Variants in CYP3A4 observed in about 807,000 individuals in gnomAD.
CYP3A4 encodes cytochrome P450 family 3 subfamily A member 4, also known as cytochrome P450 3A4.
CYP3A4 carries 41 observed loss-of-function variants against 54.9 expected under a neutral mutation model. The observed-to-expected ratio is 0.75, with a 90% CI of 0.58 to 0.97. CYP3A4 has a LOEUF of 0.97. Ranked by LOEUF, CYP3A4 falls within the 50% of genes least tolerant of loss-of-function variation. The pLI is 0.00. For synonymous variants in CYP3A4, 179 were observed against 205.2 expected (o/e 0.87, Z 1.09); for missense variants, 510 against 597.3 (o/e 0.85, Z 1.52).
intron 7 of CYP3A4, among the ~76,000 whole-genome samples, chr7:99,767,758 T>G (rs537833409): frequency 3.0e-4 from 46 of 152,204 alleles, no homozygotes; most frequent in African/African-American, 1.1e-3. Flanking sequence ...AAGTAACCAA[T>G]GAGTCAAAGT....
In CYP3A4 at chr7:99,757,850, T is replaced by C; in HGVS notation, c.*283A>G. 2.9e-6 allele frequency: 1 copy of C among 339,476 alleles called. No individual in the cohort carries two copies. The highest frequency in any genetic ancestry group is 5.5e-6 in the Non-Finnish European group (1 of 182,248). 21.0% of individuals were successfully genotyped at this position (339,476 alleles called of 1,614,324 possible). A position where few individuals can be genotyped will look rare whatever the true frequency, so the allele number is the denominator to read the frequency against. On this transcript the variant is annotated 3_prime_UTR_variant, in exon 13 of 13. Coordinates refer to ENST00000651514, the MANE Select transcript of CYP3A4 (RefSeq NM_017460.6). ...TTCTCTTATCAGAGCTCAGGAGGAG[T>C]TAATGGTGCTAACTGGGGGTGGTGG...
intron 1 of CYP3A4, among the ~76,000 whole-genome samples, chr7:99,783,245 G>T (rs1414613445): frequency 6.6e-6 from 1 of 152,166 alleles, no homozygotes; most frequent in Non-Finnish European, 1.5e-5. Context: ...CCACAGTGGG[G>T]AGTGACTCTT....
rs372231982 is a variant in CYP3A4, at chr7:99,762,086, C to G, written c.1208G>C (p.Arg403Pro). 12 of 1,614,012 alleles carry G rather than the reference C, an allele frequency of 7.4e-6. No individual in the cohort carries two copies. Among genetic ancestry groups the G allele is most frequent in the Non-Finnish European group, 1.0e-5 (12 of 1,179,980 alleles). Reference protein sequence around the residue: ...VVMIPSYALHRDPKYWTEPEK... With the variant: ...VVMIPSYALHPDPKYWTEPEK... ...AGGCTCTGTCCAGTACTTTGGGTCA[C>G]GGTGAAGAGCATAGCTTGGAATCAT... The change falls in exon 11 of 13, where the codon CGT (arginine) becomes CCT (proline). Residue 403 changes from arginine to proline, a missense_variant. By Grantham distance (103) the Arg-to-Pro change is moderately radical. Coordinates refer to ENST00000651514, the MANE Select transcript of CYP3A4 (RefSeq NM_017460.6).
rs945611939 is a variant in CYP3A4, at chr7:99,767,207, AAC to A, written c.720_721del (p.Phe241SerfsTer36). The A allele has an allele frequency of 3.8e-5, 62 of 1,610,948 alleles. No homozygotes were observed. Among genetic ancestry groups the A allele is most frequent in the African/African-American group, 5.3e-5 (4 of 74,782 alleles). On this transcript the variant is annotated frameshift_variant, in exon 8 of 13. Coordinates refer to ENST00000651514, the MANE Select transcript of CYP3A4 (RefSeq NM_017460.6). LOFTEE classifies it high-confidence loss of function. ...TAAAAAATTTGTAACTTCTCTTGGA[AAC>A]ACACAGATATTTAATACTTCAAGAA...
intron 4 of CYP3A4, 149 bp downstream of exon 4, chr7:99,772,441 T>A: frequency 1.1e-6 from 1 of 884,524 alleles, no homozygotes; most frequent in Non-Finnish European, 1.8e-6. Flanking sequence ...TTATGCAAGA[T>A]TGCAAGATGT....
intron 1 of CYP3A4, among the ~76,000 whole-genome samples, chr7:99,780,918 A>G (rs1346756826): frequency 6.6e-6 from 1 of 152,202 alleles, no homozygotes; most frequent in Non-Finnish European, 1.5e-5. Flanking sequence ...TAGCCTTCCA[A>G]CTGGTGATAT....
chr7:99,765,482 TA>T (rs202246543), intron 9 of CYP3A4, among the ~76,000 whole-genome samples: 2,928 of 151,690 alleles, frequency 0.019, 78 homozygotes, highest in African/African-American at 0.067. Flanking sequence ...GATAGATAGA[TA>T]GATGATAGAT....
At chr7:99,767,420 C>T (rs1025325618) in intron 7 of CYP3A4, among the ~76,000 whole-genome samples, 162 bp from the exon 8 acceptor site, 3 of 152,148 alleles carry the variant, frequency 2.0e-5, no homozygotes, top group Non-Finnish European at 4.4e-5. Flanking sequence ...TCTTTCAGGC[C>T]AGTGGCTGAG....
intron 4 of CYP3A4, 90 bp from the exon 5 acceptor site, chr7:99,770,325 A>G: frequency 8.1e-7 from 1 of 1,240,452 alleles, no homozygotes; most frequent in Non-Finnish European, 1.2e-6. Context: ...ACACTTATTC[A>G]ACAACTATTT....
intron 8 of CYP3A4, chr7:99,766,865 A>T: frequency 2.6e-6 from 1 of 378,220 alleles, no homozygotes; most frequent in Non-Finnish European, 4.7e-6. Context: ...GTAAAGTTTT[A>T]TCTCAATAAA....
At chr7:99,760,232 C>T (rs147901238) in intron 12 of CYP3A4, among the ~76,000 whole-genome samples, 49 of 152,306 alleles carry the variant, frequency 3.2e-4, no homozygotes, top group Middle Eastern at 3.4e-3. Flanking sequence ...TGGCCTTGGA[C>T]TGTGGTAGTC....
intron 9 of CYP3A4, among the ~76,000 whole-genome samples, chr7:99,764,442 T>C (rs1230518953): frequency 6.6e-6 from 1 of 152,196 alleles, no homozygotes; most frequent in Admixed American, 6.5e-5. Context: ...TGACAAACTT[T>C]GAGAGAATTT....
At chr7:99,761,027 C>A (rs753161473) in intron 11 of CYP3A4, 46 bp from the exon 12 acceptor site, 3 of 1,595,844 alleles carry the variant, frequency 1.9e-6, no homozygotes, top group Non-Finnish European at 1.7e-6. Context: ...GACATAATAC[C>A]CCTAAGAGTT....
At chr7:99,780,154 T>C (rs1178294326) in intron 1 of CYP3A4, 69 bp from the exon 2 acceptor site, 1 of 1,477,738 alleles carries the variant, frequency 6.8e-7, no homozygotes, top group South Asian at 1.1e-5. Context: ...GATGAGTCAT[T>C]GACTGAGGAA....
At position 99,757,891 on chromosome 7, in the gene CYP3A4, A is replaced by G; in HGVS notation, c.*242T>C. The G allele has an allele frequency of 2.3e-6, 1 of 443,492 alleles. No individual in the cohort carries two copies. The highest frequency in any genetic ancestry group is 2.7e-5 in the South Asian group (1 of 37,108). The allele number at this position is 443,492 out of a possible 1,614,324, so 27.5% of individuals were successfully genotyped here. On this transcript the variant is annotated 3_prime_UTR_variant, in exon 13 of 13. Transcript: ENST00000651514. ...GGGGTGGTGGAAATAGTCCCGTGAGAAGCAGAGGAGCCAAATCTACCTCCT... is the reference window on the plus strand; with the variant it reads ...GGGGTGGTGGAAATAGTCCCGTGAGGAGCAGAGGAGCCAAATCTACCTCCT...
rs756833413 is a variant in CYP3A4, at chr7:99,762,186, C to A, written c.1108G>T (p.Ala370Ser). Residue 370 changes from alanine (A) to serine (S), a missense_variant, in exon 11 of 13, where the codon GCT (alanine) becomes TCT (serine). This residue lies in a region of CYP3A4 where 238 missense variants were observed against 322.5 expected (regional missense o/e 0.74). Transcript: ENST00000651514. ...VNETLRLFPI[A>S]MRLERVCKKD... is the part of the protein sequence containing the mutation. ...TTGCAGACCCTCTCAAGTCTCATAG[C>A]AATTGGGAATAATCTGAGCGTTTCA... is the stretch of plus-strand genomic sequence containing the variant. 4.7e-5 allele frequency: 76 copies of A among 1,613,940 alleles called. 1 individual carries two copies. The highest frequency in any genetic ancestry group is 3.3e-4 in the Middle Eastern group (2 of 6,084).
intron 3 of CYP3A4, among the ~76,000 whole-genome samples, chr7:99,777,280 C>A (rs1256990378): frequency 6.6e-6 from 1 of 151,906 alleles, no homozygotes; most frequent in Non-Finnish European, 1.5e-5. Context: ...GGGGAATAGG[C>A]AGACACTGGA....
chr7:99,772,702 A>C lies in CYP3A4; in HGVS notation c.219-13T>G, dbSNP rs1353070084. The C allele has an allele frequency of 6.2e-7, 1 of 1,612,688 alleles. No homozygotes were observed. On this transcript the variant is annotated splice_polypyrimidine_tract_variant and intron_variant, in intron 3 of 12. Transcript: ENST00000651514. Reference sequence around the variant, plus strand: ...ACCATCATAAAAGCTGTGTGAAAAAAACAGAGTTGATTAAACATCAACAGC... The same window carrying C: ...ACCATCATAAAAGCTGTGTGAAAAACACAGAGTTGATTAAACATCAACAGC...
intron 2 of CYP3A4, among the ~76,000 whole-genome samples, chr7:99,778,512 T>C (rs1815830908): frequency 6.6e-6 from 1 of 152,208 alleles, no homozygotes; most frequent in South Asian, 2.1e-4. Context: ...ATTTATTTCA[T>C]GAGCTCGCTC....
Sources: allele counts gnomAD v4.1 joint callset (sites outside exome capture counted in the v4.1 genomes callset), GRCh38; gene constraint gnomAD v4.1.1; regional missense constraint gnomAD v4.1.1; transcripts MANE v1.5; gene names NCBI Gene and HGNC (gene_info 2026-07-23, HGNC 2026-07-21).